Variants in ZNF385D observed in about 807,000 individuals in gnomAD.
ZNF385D encodes zinc finger protein 385D, also known as zinc finger protein 659.
ZNF385D carries 15 observed loss-of-function variants against 35.8 expected under a neutral mutation model. That is an observed-to-expected ratio of 0.42 (90% CI 0.28 to 0.64). The LOEUF is 0.64. ZNF385D is among the 30% of genes least tolerant of loss of function. The pLI, the probability that ZNF385D is intolerant of heterozygous loss-of-function variation, is 0.23. For synonymous variants in ZNF385D, 212 were observed against 186.8 expected, an observed-to-expected ratio of 1.13 and a Z score of -1.10; for missense variants, 474 against 494.6, an observed-to-expected ratio of 0.96 and a Z score of 0.39.
intron 4 of ZNF385D, among the ~76,000 whole-genome samples, chr3:21,501,929 GCTTTTCAGGTA>G (rs1706398625): frequency 6.6e-6 from 1 of 152,108 alleles, no homozygotes; most frequent in African/African-American, 2.4e-5. Context: ...TAGGTGTTCA[GCTTTTCAGGTA>G]CTTTATAGAT....
At chr3:22,126,690 T>C (rs1703450677) in intron 3 of ZNF385D, among the ~76,000 whole-genome samples, 1 of 152,154 alleles carries the variant, frequency 6.6e-6, no homozygotes, top group Non-Finnish European at 1.5e-5. Flanking sequence ...AGATATATAT[T>C]AGGTCCATTT....
chr3:21,495,086 G>T (rs1705725315), intron 4 of ZNF385D, among the ~76,000 whole-genome samples: 1 of 152,026 alleles, frequency 6.6e-6, no homozygotes, highest in Admixed American at 6.6e-5. Flanking sequence ...AGTTTTCATT[G>T]CTTCGATATC....
intron 2 of ZNF385D, among the ~76,000 whole-genome samples, chr3:22,276,189 A>G (rs1701417954): frequency 6.6e-6 from 1 of 152,174 alleles, no homozygotes; most frequent in African/African-American, 2.4e-5. Context: ...AATTTCTTTT[A>G]AAGTGTACAT....
chr3:21,700,059 T>A (rs2067622231), intron 1 of ZNF385D, among the ~76,000 whole-genome samples: 1 of 152,170 alleles, frequency 6.6e-6, no homozygotes, highest in Admixed American at 6.5e-5. Context: ...CTCAAACTCC[T>A]GACTTCAGGT....
chr3:21,960,118 G>A (rs1027973930), intron 3 of ZNF385D, among the ~76,000 whole-genome samples: 2 of 148,092 alleles, frequency 1.4e-5, no homozygotes, highest in Non-Finnish European at 3.0e-5. Flanking sequence ...AAAATCTGTA[G>A]AAGGGAAGAA....
chr3:22,028,056 A>G (rs1697677867), intron 3 of ZNF385D, among the ~76,000 whole-genome samples: 1 of 152,166 alleles, frequency 6.6e-6, no homozygotes, highest in Non-Finnish European at 1.5e-5. Context: ...GGTCAGATGT[A>G]CGATTATACA....
intron 3 of ZNF385D, among the ~76,000 whole-genome samples, chr3:21,861,265 C>G (rs1697039817): frequency 6.6e-6 from 1 of 152,084 alleles, no homozygotes; most frequent in South Asian, 2.1e-4. Context: ...TGTATCAATA[C>G]AGTCTGCCAC....
At chr3:22,313,113 A>G (rs1051672800) in intron 2 of ZNF385D, among the ~76,000 whole-genome samples, 3 of 152,232 alleles carry the variant, frequency 2.0e-5, no homozygotes, top group South Asian at 2.1e-4. Flanking sequence ...CATGGATGAA[A>G]CTGGAAACCA....
chr3:21,988,865 C>G (rs911179345), intron 3 of ZNF385D, among the ~76,000 whole-genome samples: 2 of 152,350 alleles, frequency 1.3e-5, no homozygotes, highest in African/African-American at 2.4e-5. Context: ...GGGATATACT[C>G]TCGTGGTGCG....
At chr3:22,335,367 T>C (rs1262531479) in intron 2 of ZNF385D, among the ~76,000 whole-genome samples, 1 of 152,204 alleles carries the variant, frequency 6.6e-6, no homozygotes, top group African/African-American at 2.4e-5. Flanking sequence ...TCCTTGCTCA[T>C]GTGAGTGACT....
At chr3:21,861,915 A>G (rs569693440) in intron 3 of ZNF385D, among the ~76,000 whole-genome samples, 2 of 152,254 alleles carry the variant, frequency 1.3e-5, no homozygotes, top group East Asian at 3.9e-4. Flanking sequence ...TAGCAGCTAT[A>G]CAAAAATGAA....
intron 3 of ZNF385D, among the ~76,000 whole-genome samples, chr3:22,109,205 T>G (rs1426755240): frequency 2.6e-5 from 4 of 152,166 alleles, no homozygotes; most frequent in Non-Finnish European, 5.9e-5. Context: ...CAGGCCATTT[T>G]TGGAAGGTGA....
intron 3 of ZNF385D, among the ~76,000 whole-genome samples, chr3:21,834,849 G>C (rs1428121104): frequency 6.6e-6 from 1 of 152,096 alleles, no homozygotes; most frequent in African/African-American, 2.4e-5. Context: ...TAAAAGTGTG[G>C]TACTTCCCCC....
At chr3:22,274,026 G>T (rs973328287) in intron 2 of ZNF385D, among the ~76,000 whole-genome samples, 11 of 151,940 alleles carry the variant, frequency 7.2e-5, no homozygotes, top group African/African-American at 2.7e-4. Flanking sequence ...AAGAGTTTTA[G>T]TAAGCATATA....
chr3:21,424,429 T>C (rs964072440), intron 6 of ZNF385D, among the ~76,000 whole-genome samples: 7 of 146,372 alleles, frequency 4.8e-5, no homozygotes, highest in Non-Finnish European at 9.0e-5. Flanking sequence ...ATTATCTGCC[T>C]CAGCCTCCCA....
intron 3 of ZNF385D, among the ~76,000 whole-genome samples, chr3:21,909,556 T>C (rs999497348): frequency 2.6e-5 from 4 of 151,780 alleles, no homozygotes; most frequent in African/African-American, 9.6e-5. Flanking sequence ...AGAGAGTTAG[T>C]AGATAGGCAT....
intron 3 of ZNF385D, among the ~76,000 whole-genome samples, chr3:22,060,415 T>C (rs1007871352): frequency 6.6e-6 from 1 of 152,200 alleles, no homozygotes; most frequent in Non-Finnish European, 1.5e-5. Context: ...ACACATATTC[T>C]ATTTTCCATA....
chr3:21,640,187 C>T (rs2065562031), intron 2 of ZNF385D, among the ~76,000 whole-genome samples: 1 of 152,066 alleles, frequency 6.6e-6, no homozygotes, highest in Non-Finnish European at 1.5e-5. Context: ...AACTGGTCCT[C>T]TCAAGCTTTC....
intron 3 of ZNF385D, among the ~76,000 whole-genome samples, chr3:21,980,412 T>C (rs991435109): frequency 6.6e-6 from 1 of 152,138 alleles, no homozygotes; most frequent in Non-Finnish European, 1.5e-5. Context: ...TAAAAGTAGA[T>C]AATAATGCAA....
Sources: gnomAD v4.1 joint callset for allele counts (sites outside exome capture counted in the v4.1 genomes callset) on GRCh38, gnomAD v4.1.1 for gene constraint, MANE v1.5 for transcripts, NCBI Gene and HGNC (gene_info 2026-07-23, HGNC 2026-07-21) for gene names.